CSMD1: variants seen among roughly 807,000 people sequenced by gnomAD.
CSMD1 encodes CUB and Sushi multiple domains 1.
CSMD1 carries 213 observed loss-of-function variants against 417.5 expected under a neutral mutation model. That is an observed-to-expected ratio of 0.51 (90% CI 0.46 to 0.57). CSMD1 has a LOEUF of 0.57. Ranked by LOEUF, CSMD1 falls within the 20% of genes least tolerant of loss-of-function variation. The pLI, the probability that CSMD1 is intolerant of heterozygous loss-of-function variation, is 0.00. For synonymous variants in CSMD1, 2,862 were observed against 1,736.8 expected (o/e 1.65, Z -16.11); for missense variants, 6,923 against 4,529.7 (o/e 1.53, Z -15.17).
rs761495201 is a variant in CSMD1, at chr8:4,764,753, G to C, written c.86-127195C>G. ...CCGGGTGTTGTGGCGGCTGCCTGTAGTCCCAGCTACTCTGGAGGCTGCGGC... is the reference window on the plus strand; with the variant it reads ...CCGGGTGTTGTGGCGGCTGCCTGTACTCCCAGCTACTCTGGAGGCTGCGGC... On this transcript the variant is annotated intron_variant, in intron 1 of 69. Coordinates refer to ENST00000635120, the MANE Select transcript of CSMD1 (RefSeq NM_033225.6). Among the ~76,000 whole-genome samples the C allele has an allele frequency of 7.8e-4, 116 of 149,642 alleles. 2 individuals carry two copies. The highest frequency in any genetic ancestry group is 2.1e-3 in the Admixed American group (32 of 15,012).
intron 3 of CSMD1, among the ~76,000 whole-genome samples, chr8:4,395,942 T>A (rs894138679): frequency 6.6e-6 from 1 of 152,206 alleles, no homozygotes; most frequent in Non-Finnish European, 1.5e-5. Context: ...CGTTGAAATA[T>A]TCCCCATTTA....
intron 20 of CSMD1, among the ~76,000 whole-genome samples, chr8:3,359,878 T>C (rs1434584106): frequency 1.3e-5 from 2 of 152,182 alleles, no homozygotes; most frequent in Admixed American, 6.5e-5. Flanking sequence ...TGTACAATTA[T>C]TATGTAACTA....
At chr8:4,433,021 C>T (rs145178294) in intron 2 of CSMD1, among the ~76,000 whole-genome samples, 6 of 152,196 alleles carry the variant, frequency 3.9e-5, no homozygotes, top group African/African-American at 1.4e-4. Flanking sequence ...AGCGTCAACA[C>T]TGTCGTGAAC....
chr8:4,376,584 T>C (rs11781210), intron 3 of CSMD1, among the ~76,000 whole-genome samples: 1 of 151,872 alleles, frequency 6.6e-6, no homozygotes, highest in African/African-American at 2.4e-5. Context: ...TGTTACAACA[T>C]TGAGTTAGTC....
intron 28 of CSMD1, among the ~76,000 whole-genome samples, chr8:3,222,092 C>T (rs998994758): frequency 1.3e-5 from 2 of 152,070 alleles, no homozygotes; most frequent in African/African-American, 2.4e-5. Flanking sequence ...AGAGAAGTCA[C>T]TGGTTTTCAC....
intron 7 of CSMD1, among the ~76,000 whole-genome samples, chr8:3,699,704 T>G (rs1253381171): frequency 6.6e-6 from 1 of 152,222 alleles, no homozygotes; most frequent in African/African-American, 2.4e-5. Flanking sequence ...TAATTTCCCC[T>G]GGAGAAGGAA....
chr8:3,822,232 T>G (rs923920475), intron 5 of CSMD1, among the ~76,000 whole-genome samples: 1 of 152,172 alleles, frequency 6.6e-6, no homozygotes, highest in African/African-American at 2.4e-5. Context: ...TGTGCCTGCT[T>G]CCATCACTTA....
chr8:3,308,150 A>G (rs997828628), intron 24 of CSMD1, among the ~76,000 whole-genome samples, 162 bp downstream of exon 24: 1 of 152,004 alleles, frequency 6.6e-6, no homozygotes, highest in African/African-American at 2.4e-5. Flanking sequence ...ATAGCTGAAA[A>G]CACACACTCA....
intron 5 of CSMD1, among the ~76,000 whole-genome samples, chr8:3,760,726 T>C (rs1466013797): frequency 6.6e-6 from 1 of 152,228 alleles, no homozygotes; most frequent in African/African-American, 2.4e-5. Flanking sequence ...TCTCTTACAT[T>C]AAGCCAGATT....
chr8:4,558,289 T>A (rs1221098273), intron 2 of CSMD1, among the ~76,000 whole-genome samples: 1 of 152,148 alleles, frequency 6.6e-6, no homozygotes, highest in African/African-American at 2.4e-5. Context: ...AATATACACT[T>A]TTGGAAGATT....
intron 3 of CSMD1, among the ~76,000 whole-genome samples, chr8:4,121,397 G>C (rs763500683): frequency 5.3e-5 from 8 of 152,140 alleles, no homozygotes; most frequent in East Asian, 1.9e-4. Flanking sequence ...TTACAGGCAT[G>C]AGTGTCAATG....
chr8:3,904,865 G>C (rs1175925612), intron 5 of CSMD1, among the ~76,000 whole-genome samples: 1 of 152,016 alleles, frequency 6.6e-6, no homozygotes. Flanking sequence ...TCAAACTCTT[G>C]ACCTCAAGTG....
intron 3 of CSMD1, among the ~76,000 whole-genome samples, chr8:4,361,330 T>C (rs923421342): frequency 1.4e-4 from 22 of 152,212 alleles, no homozygotes; most frequent in African/African-American, 5.3e-4. Flanking sequence ...TAGATAATGA[T>C]ATATCTGATA....
At chr8:4,023,266 G>A (rs1331766593) in intron 4 of CSMD1, among the ~76,000 whole-genome samples, 1 of 152,182 alleles carries the variant, frequency 6.6e-6, no homozygotes, top group East Asian at 1.9e-4. Context: ...AAAAACATCT[G>A]AACCAACTAC....
intron 7 of CSMD1, among the ~76,000 whole-genome samples, chr8:3,701,034 G>T (rs1055800829): frequency 2.6e-5 from 4 of 151,864 alleles, no homozygotes; most frequent in African/African-American, 9.7e-5. Context: ...TATGTCGGGG[G>T]GCAGTCAGGG....
intron 52 of CSMD1, among the ~76,000 whole-genome samples, chr8:3,014,967 T>G (rs369672402): frequency 6.7e-6 from 1 of 148,922 alleles, no homozygotes; most frequent in Non-Finnish European, 1.5e-5. Context: ...TATTCCATAA[T>G]AAAGCTTCTT....
Position 3,352,747 on chromosome 8 carries a change from G to A in CSMD1, c.3305-4586C>T, listed in dbSNP as rs183993904. 1.0e-3 allele frequency among the ~76,000 whole-genome samples: 159 copies of A among 152,290 alleles called. 1 individual carries two copies. The highest frequency in any genetic ancestry group is 6.8e-3 in the Middle Eastern group (2 of 294). On this transcript the variant is annotated intron_variant, in intron 21 of 69. Coordinates refer to ENST00000635120, the MANE Select transcript of CSMD1 (RefSeq NM_033225.6). ...CCCACCTAATTGGGAGGCTGAGGCC[G>A]GAGACTTGCTTGAACCCAGGAGGTG...
intron 2 of CSMD1, among the ~76,000 whole-genome samples, chr8:4,603,087 G>C (rs1038650569): frequency 1.3e-5 from 2 of 151,710 alleles, no homozygotes; most frequent in Non-Finnish European, 2.9e-5. Flanking sequence ...TCTAATAAGG[G>C]AATAAAAATT....
intron 11 of CSMD1, among the ~76,000 whole-genome samples, chr8:3,482,176 A>C (rs1482735535): frequency 6.6e-6 from 1 of 152,212 alleles, no homozygotes; most frequent in Non-Finnish European, 1.5e-5. Context: ...AAAGCACTAA[A>C]CATATCAATA....
Sources: gnomAD v4.1 joint callset for allele counts (sites outside exome capture counted in the v4.1 genomes callset) on GRCh38, gnomAD v4.1.1 for gene constraint, MANE v1.5 for transcripts, NCBI Gene and HGNC (gene_info 2026-07-23, HGNC 2026-07-21) for gene names.